MTMR2: variants seen among roughly 807,000 people sequenced by gnomAD.
MTMR2 encodes myotubularin related protein 2, also known as phosphatidylinositol-3,5-bisphosphate 3-phosphatase MTMR2.
MTMR2 carries 55 observed loss-of-function variants against 86.9 expected under a neutral mutation model. The observed-to-expected ratio is 0.63, with a 90% CI of 0.51 to 0.79. The LOEUF (loss-of-function observed/expected upper bound fraction) is 0.79. Ranked by LOEUF, MTMR2 falls within the 30% of genes least tolerant of loss-of-function variation. MTMR2 has a pLI of 0.00. For synonymous variants in MTMR2, 241 were observed against 266.8 expected, an observed-to-expected ratio of 0.90 and a Z score of 0.94; for missense variants, 659 against 772.3, an observed-to-expected ratio of 0.85 and a Z score of 1.74.
Position 95,923,917 on chromosome 11 carries a change from T to C in MTMR2, c.38A>G (p.Gln13Arg). ...GCTGGGCGGCCGAGCCGCCGCCGGCTGGGAGCCAAGACTCTCGCAGCTCGA... is the reference window on the plus strand; with the variant it reads ...GCTGGGCGGCCGAGCCGCCGCCGGCCGGGAGCCAAGACTCTCGCAGCTCGA... ...KSSSCESLGSQPAAARPPSVD... is the reference protein window; with the variant it reads ...KSSSCESLGSRPAAARPPSVD... The change falls in exon 1 of 15, where the codon CAG becomes CGG. Residue 13 changes from glutamine to arginine, a missense_variant. Gln to Arg is a conservative substitution (Grantham distance 43). Around this residue, in one of 3 missense-constraint regions of MTMR2, gnomAD observed 79 missense variants for 54.4 expected, o/e 1.45. Transcript: ENST00000346299. The C allele has an allele frequency of 1.9e-6, 3 of 1,560,840 alleles. No homozygotes were observed. The highest frequency in any genetic ancestry group is 2.6e-6 in the Non-Finnish European group (3 of 1,152,114).
intron 1 of MTMR2, among the ~76,000 whole-genome samples, chr11:95,901,165 T>A (rs1333742435): frequency 6.6e-6 from 1 of 152,184 alleles, no homozygotes; most frequent in Non-Finnish European, 1.5e-5. Flanking sequence ...TCCCACATCT[T>A]CAGTTACCAT....
intron 2 of MTMR2, among the ~76,000 whole-genome samples, chr11:95,885,408 G>C (rs533056815): frequency 6.6e-6 from 1 of 152,150 alleles, no homozygotes; most frequent in South Asian, 2.1e-4. Context: ...GATGATTCTA[G>C]AACTGAGGGA....
rs768976966 is a variant in MTMR2 at position 95,847,802 on chromosome 11, C to T, written c.1091G>A (p.Arg364Gln). The change falls in exon 10 of 15, where the codon CGA (arginine) becomes CAA (glutamine). Residue 364 changes from arginine to glutamine, a missense_variant. Physicochemically the swap from Arg to Gln is conservative, Grantham distance 43. Coordinates refer to ENST00000346299, the MANE Select transcript of MTMR2 (RefSeq NM_016156.6). ...GGGGTACACAATCTCCTTAAGTTTT[C>T]GTAATGATTCTCTCATAACATGAAT... Reference protein sequence around the residue: ...HNIHVMRESLRKLKEIVYPNI... With the variant: ...HNIHVMRESLQKLKEIVYPNI... 7 of 1,613,410 alleles carry T rather than the reference C, an allele frequency of 4.3e-6. No homozygotes were observed. The highest frequency in any genetic ancestry group is 5.9e-6 in the Non-Finnish European group (7 of 1,179,564).
chr11:95,889,587 C>T (rs1865641021), intron 1 of MTMR2, among the ~76,000 whole-genome samples: 1 of 151,960 alleles, frequency 6.6e-6, no homozygotes, highest in South Asian at 2.1e-4. Flanking sequence ...AAACTCCTGG[C>T]CTCAAACGAT....
chr11:95,841,191 C>T (rs1314974797), intron 12 of MTMR2, among the ~76,000 whole-genome samples: 2 of 151,864 alleles, frequency 1.3e-5, no homozygotes, highest in African/African-American at 4.8e-5. Context: ...TCTATATAAA[C>T]ATTTTTCCCT....
At position 95,877,331 on chromosome 11, in the gene MTMR2, C is replaced by CTTTTTTTTTTTTT. The variant is rs1565368414; in HGVS notation, c.186+10824_186+10825insAAAAAAAAAAAAA. 4.4e-4 allele frequency among the ~76,000 whole-genome samples: 42 copies of CTTTTTTTTTTTTT among 94,718 alleles called. 11 individuals carry two copies. Among genetic ancestry groups the CTTTTTTTTTTTTT allele is most frequent in the African/African-American group, 1.2e-3 (25 of 20,154 alleles). The allele number at this position is 94,718 out of a possible 152,430, so 62.1% of individuals were successfully genotyped here. A position where few individuals can be genotyped will look rare whatever the true frequency, so the allele number is the denominator to read the frequency against. The stretch of plus-strand genomic sequence containing the variant: ...CATTCAAGATCAAGCACAGGGAAGC[C>CTTTTTTTTTTTTT]CTTTTTTTTTTTTTTTTTTTTTTTT... On this transcript the variant is annotated intron_variant, in intron 2 of 14. Transcript: ENST00000346299.
chr11:95,922,734 G>A (rs1305981379), intron 1 of MTMR2, among the ~76,000 whole-genome samples: 1 of 152,196 alleles, frequency 6.6e-6, no homozygotes, highest in Admixed American at 6.5e-5. Flanking sequence ...AAACGACTGT[G>A]CAGGGAGCTA....
At chr11:95,905,589 G>A (rs534628167) in intron 1 of MTMR2, among the ~76,000 whole-genome samples, 6 of 152,178 alleles carry the variant, frequency 3.9e-5, no homozygotes, top group South Asian at 2.1e-4. Flanking sequence ...CTGGATATAC[G>A]CCTCCCTCAG....
rs1236971888 is a variant in MTMR2, at chr11:95,849,732, T to A, written c.935A>T (p.Gln312Leu). 2 of 1,614,170 alleles carry A rather than the reference T, an allele frequency of 1.2e-6. No homozygotes were observed. Among genetic ancestry groups the A allele is most frequent in the East Asian group, 4.5e-5 (2 of 44,886 alleles). ...ATCAAATATAAAGATTTTGTGAGAC[T>A]GGGCATTGGAATCCATGATAGCTTG... Reference protein sequence around the residue: ...YLQAIMDSNAQSHKIFIFDAR... With the variant: ...YLQAIMDSNALSHKIFIFDAR... The change falls in exon 9 of 15, where the codon CAG becomes CTG. Residue 312 changes from glutamine to leucine, a missense_variant. This residue lies in a region of MTMR2 where 387 missense variants were observed against 526.3 expected (regional missense o/e 0.74). Transcript: ENST00000346299.
intron 2 of MTMR2, among the ~76,000 whole-genome samples, chr11:95,866,740 AAAG>A (rs1329572803): frequency 1.3e-5 from 2 of 149,298 alleles, no homozygotes; most frequent in African/African-American, 2.5e-5. Context: ...GAGAAGAAGG[AAAG>A]AAGAGAGGAA....
intron 2 of MTMR2, among the ~76,000 whole-genome samples, chr11:95,882,736 T>G (rs1865375123): frequency 6.7e-6 from 1 of 150,028 alleles, no homozygotes; most frequent in Non-Finnish European, 1.5e-5. Flanking sequence ...TTTTTTTTTT[T>G]TTTTGAGACA....
At chr11:95,862,734 G>A (rs1178929249) in intron 3 of MTMR2, among the ~76,000 whole-genome samples, 5 of 152,130 alleles carry the variant, frequency 3.3e-5, no homozygotes, top group East Asian at 3.8e-4. Flanking sequence ...AGGCACAGTC[G>A]CCATCATCTC....
chr11:95,866,136 G>A (rs1372466903), intron 2 of MTMR2, among the ~76,000 whole-genome samples: 2 of 152,176 alleles, frequency 1.3e-5, no homozygotes, highest in Non-Finnish European at 2.9e-5. Flanking sequence ...AAGTTCTTGT[G>A]TAGATTTAAT....
Position 95,838,096 on chromosome 11 carries a change from C to T in MTMR2, c.1591G>A (p.Glu531Lys). The T allele has an allele frequency of 6.3e-7, 1 of 1,578,226 alleles. No individual in the cohort carries two copies. The highest frequency in any genetic ancestry group is 8.7e-7 in the Non-Finnish European group (1 of 1,147,894). Reference protein sequence around the residue: ...LCNSEQQRGKENLPKRTVSLW... With the variant: ...LCNSEQQRGKKNLPKRTVSLW... ...GAAGGTCATGTTTCATATTTTACCT[C>T]TTTTCCTCTCTGTTGTTCACTATTA... The change falls in exon 13 of 15, where the codon GAG becomes AAG. Residue 531 changes from glutamate (E) to lysine (K), a missense_variant and splice_region_variant. Transcript: ENST00000346299.
rs1418167443 is a variant in MTMR2, at chr11:95,888,394, T to C, written c.81-133A>G. The stretch of plus-strand genomic sequence containing the variant: ...ACTAAGTTCTGCTTTGCCTATTCAA[T>C]CTTATCTCTAAGTCTTAACAAATTA... On this transcript the variant is annotated intron_variant, in intron 1 of 14. Coordinates refer to ENST00000346299, the MANE Select transcript of MTMR2 (RefSeq NM_016156.6). 8.9e-6 allele frequency: 6 copies of C among 675,340 alleles called. No individual in the cohort carries two copies. In the African/African-American group the frequency reaches 1.1e-4, roughly 12 times the overall value. The allele number at this position is 675,340 out of a possible 1,614,324, so 41.8% of individuals were successfully genotyped here. A position where few individuals can be genotyped will look rare whatever the true frequency, so the allele number is the denominator to read the frequency against.
intron 3 of MTMR2, among the ~76,000 whole-genome samples, chr11:95,863,808 T>C (rs1444235035): frequency 1.3e-5 from 2 of 152,142 alleles, no homozygotes; most frequent in Non-Finnish European, 2.9e-5. Flanking sequence ...AATACAAAAA[T>C]TCAAGGGTTT....
chr11:95,899,767 G>C (rs1385707108), intron 1 of MTMR2, among the ~76,000 whole-genome samples: 2 of 152,108 alleles, frequency 1.3e-5, no homozygotes, highest in Non-Finnish European at 2.9e-5. Flanking sequence ...TAAAGCAAAA[G>C]AGTAAAAACA....
Position 95,888,265 on chromosome 11 carries a change from C to A in MTMR2, c.81-4G>T, listed in dbSNP as rs757563852. 1.9e-6 allele frequency: 3 copies of A among 1,585,854 alleles called. No homozygotes were observed. Among genetic ancestry groups the A allele is most frequent in the Non-Finnish European group, 2.6e-6 (3 of 1,157,624 alleles). On this transcript the variant is annotated splice_region_variant and splice_polypyrimidine_tract_variant and intron_variant, in intron 1 of 14. Transcript: ENST00000346299. ...CTCTGAATGAGAAGTGGAGGCACTA[C>A]AAAATACAAAAGTACAGTATGTTGG...
chr11:95,882,312 A>G (rs1489299571), intron 2 of MTMR2: 1 of 152,134 alleles, frequency 6.6e-6, no homozygotes, highest in Non-Finnish European at 1.5e-5. Flanking sequence ...ATCCTGGCTA[A>G]CACGGTGAAA....
Sources: allele counts gnomAD v4.1 joint callset (sites outside exome capture counted in the v4.1 genomes callset), GRCh38; gene constraint gnomAD v4.1.1; regional missense constraint gnomAD v4.1.1; transcripts MANE v1.5; gene names NCBI Gene and HGNC (gene_info 2026-07-23, HGNC 2026-07-21).